Variants in SORCS2 observed in about 807,000 individuals in gnomAD.
SORCS2 encodes sortilin related VPS10 domain containing receptor 2.
Under a neutral mutation model 141.6 loss-of-function variants are expected in SORCS2, and 100 were observed. The ratio of observed to expected loss-of-function variants is 0.71; its 90% CI spans 0.60 to 0.83. The LOEUF is 0.83. Ranked by LOEUF, SORCS2 falls within the 40% of genes least tolerant of loss-of-function variation. The pLI is 0.00. For synonymous variants in SORCS2, 789 were observed against 676.9 expected, an observed-to-expected ratio of 1.17 and a Z score of -2.57; for missense variants, 1,646 against 1,560.2, an observed-to-expected ratio of 1.05 and a Z score of -0.93.
chr4:7,596,590 CA>C (rs1245014396), intron 3 of SORCS2, among the ~76,000 whole-genome samples: 1 of 152,220 alleles, frequency 6.6e-6, no homozygotes, highest in Non-Finnish European at 1.5e-5. Context: ...CCCCTTCAGA[CA>C]AGCTAGTTAA....
chr4:7,426,269 C>T (rs1459136698), intron 2 of SORCS2, among the ~76,000 whole-genome samples: 1 of 149,104 alleles, frequency 6.7e-6, no homozygotes, highest in Admixed American at 6.7e-5. Context: ...CAATGAGTGG[C>T]CCATCGGATC....
At chr4:7,686,645 G>T (rs368143585) in intron 10 of SORCS2, among the ~76,000 whole-genome samples, 27 of 152,350 alleles carry the variant, frequency 1.8e-4, no homozygotes, top group Non-Finnish European at 3.5e-4. Flanking sequence ...CACCCAAGGC[G>T]GGTTCTGGGG....
intron 1 of SORCS2, among the ~76,000 whole-genome samples, chr4:7,359,259 G>A (rs1721439170): frequency 6.6e-6 from 1 of 152,076 alleles, no homozygotes; most frequent in South Asian, 2.1e-4. Context: ...TGGCGCCACT[G>A]CATTCCAGCC....
chr4:7,647,283 G>A (rs1219598186), intron 4 of SORCS2, among the ~76,000 whole-genome samples: 1 of 152,196 alleles, frequency 6.6e-6, no homozygotes, highest in Non-Finnish European at 1.5e-5. Flanking sequence ...GCAATCGTGG[G>A]TGCTTTCTCC....
At chr4:7,195,835 A>C (rs112256846) in intron 1 of SORCS2, among the ~76,000 whole-genome samples, 1,618 of 152,354 alleles carry the variant, frequency 0.011, 13 homozygotes, top group Non-Finnish European at 0.018. Flanking sequence ...AGAAACTCAC[A>C]CGGCTGGTTT....
intron 2 of SORCS2, among the ~76,000 whole-genome samples, chr4:7,511,835 C>T (rs1490932015): frequency 1.3e-5 from 2 of 152,202 alleles, no homozygotes; most frequent in Admixed American, 1.3e-4. Context: ...TTGGCCTGGC[C>T]TGTTTCCAGT....
chr4:7,482,146 G>A (rs55714722), intron 2 of SORCS2, among the ~76,000 whole-genome samples: 66 of 17,122 alleles, frequency 3.9e-3, no homozygotes, highest in Non-Finnish European at 5.3e-3. Context: ...CTGTATCCCC[G>A]CTGCGGACAC....
intron 3 of SORCS2, among the ~76,000 whole-genome samples, chr4:7,617,595 G>A (rs2108820794): frequency 6.6e-6 from 1 of 152,330 alleles, no homozygotes; most frequent in South Asian, 2.1e-4. Context: ...ACCATGGTGG[G>A]GGATTGGGCA....
At position 7,686,845 on chromosome 4, in the gene SORCS2, C is replaced by A. The variant is rs899390223; in HGVS notation, c.1489-2641C>A. Among the ~76,000 whole-genome samples, 4 of 152,358 alleles carry A rather than the reference C, an allele frequency of 2.6e-5. No homozygotes were observed. In the South Asian group the frequency reaches 8.3e-4, roughly 32 times the overall value. ...AAGGGGGAGCCGTCTGTTTGGCCGT[C>A]AGCAGGCCGCAAGGCGAATGCAAAA... On this transcript the variant is annotated intron_variant, in intron 10 of 26. Transcript: ENST00000507866.
chr4:7,676,290 C>T, intron 9 of SORCS2, 61 bp downstream of exon 9: 3 of 1,502,598 alleles, frequency 2.0e-6, no homozygotes, highest in Non-Finnish European at 2.7e-6. Context: ...TGCCCTCTCA[C>T]CCCACCTCTT....
intron 3 of SORCS2, among the ~76,000 whole-genome samples, chr4:7,589,685 G>A (rs1168526723): frequency 2.0e-5 from 3 of 152,222 alleles, no homozygotes; most frequent in Non-Finnish European, 4.4e-5. Context: ...ACAGGCGTGA[G>A]CCACCGCACT....
chr4:7,720,663 C>A (rs1726525166), intron 18 of SORCS2, among the ~76,000 whole-genome samples: 1 of 152,212 alleles, frequency 6.6e-6, no homozygotes, highest in Non-Finnish European at 1.5e-5. Flanking sequence ...AGGAAACAAA[C>A]CGTCCAGTTA....
rs185300874 is a variant in SORCS2 at position 7,331,699 on chromosome 4, G to T, written c.481-64589G>T. Among the ~76,000 whole-genome samples, 808 of 152,302 alleles carry T rather than the reference G, an allele frequency of 5.3e-3. 8 individuals are homozygous for T. Among genetic ancestry groups the T allele is most frequent in the Non-Finnish European group, 5.6e-3 (381 of 68,020 alleles). On this transcript the variant is annotated intron_variant, in intron 1 of 26. Coordinates refer to ENST00000507866, the MANE Select transcript of SORCS2 (RefSeq NM_020777.3). ...ACATTCTGATTCAGTGGGTCGGGGTGAAGCAGGAAAGTCTGTTTCTAACGA... is the reference window on the plus strand; with the variant it reads ...ACATTCTGATTCAGTGGGTCGGGGTTAAGCAGGAAAGTCTGTTTCTAACGA...
chr4:7,245,722 T>G (rs2108797901), intron 1 of SORCS2, among the ~76,000 whole-genome samples: 1 of 152,260 alleles, frequency 6.6e-6, no homozygotes, highest in East Asian at 1.9e-4. Context: ...GGGCAAGCGC[T>G]TGGTGAGTGT....
chr4:7,631,923 C>A lies in SORCS2; in HGVS notation c.649-6405C>A, dbSNP rs568654187. On this transcript the variant is annotated intron_variant, in intron 3 of 26. Transcript: ENST00000507866. ...TCTTCCAAGCCTGTTGCATCAGGAC[C>A]CCCATGTTAGCCAGCTGCCTTCTGG... 2.6e-5 allele frequency among the ~76,000 whole-genome samples: 4 copies of A among 152,302 alleles called. No individual in the cohort carries two copies. The South Asian group carries it at 8.3e-4, about 32-fold the overall frequency.
chr4:7,507,279 A>T lies in SORCS2; in HGVS notation c.549-24251A>T, dbSNP rs528122612. The stretch of plus-strand genomic sequence containing the variant: ...AACCTCTGCCTCCTGGATTCAAGTG[A>T]TTCCCCTGCCTCAGCCTCCTGAGTA... On this transcript the variant is annotated intron_variant, in intron 2 of 26. Coordinates refer to ENST00000507866, the MANE Select transcript of SORCS2 (RefSeq NM_020777.3). Among the ~76,000 whole-genome samples the T allele has an allele frequency of 1.9e-4, 29 of 152,230 alleles. No homozygotes were observed. In the South Asian group the frequency reaches 5.8e-3, roughly 30 times the overall value.
In SORCS2 at chr4:7,666,878, G is replaced by T. The variant is rs892312674; in HGVS notation, c.1072-246G>T. Among the ~76,000 whole-genome samples the T allele has an allele frequency of 4.6e-5, 7 of 152,150 alleles. No homozygotes were observed. In the South Asian group the frequency reaches 1.5e-3, roughly 32 times the overall value. The stretch of plus-strand genomic sequence containing the variant: ...TAAGTTGGATGCAGAGCAGCAAGGT[G>T]CTGAGAGAGCATAGGGAAAGAAGTT... On this transcript the variant is annotated intron_variant, in intron 7 of 26. Coordinates refer to ENST00000507866, the MANE Select transcript of SORCS2 (RefSeq NM_020777.3).
chr4:7,331,953 TC>T (rs1205170636), intron 1 of SORCS2, among the ~76,000 whole-genome samples: 2 of 152,136 alleles, frequency 1.3e-5, no homozygotes, highest in East Asian at 3.9e-4. Flanking sequence ...GTATCCAGCG[TC>T]CGCCCTCTGC....
intron 25 of SORCS2, among the ~76,000 whole-genome samples, chr4:7,735,243 C>G (rs1712074706): frequency 6.6e-6 from 1 of 152,240 alleles, no homozygotes; most frequent in African/African-American, 2.4e-5. Flanking sequence ...TGAGGATCAT[C>G]AAATGCCACA....
Sources: gnomAD v4.1 joint callset for allele counts (sites outside exome capture counted in the v4.1 genomes callset) on GRCh38, gnomAD v4.1.1 for gene constraint, MANE v1.5 for transcripts, NCBI Gene and HGNC (gene_info 2026-07-23, HGNC 2026-07-21) for gene names.